The following CCDC201 variants were observed in gnomAD, a reference collection of about 807,000 sequenced individuals.
CCDC201 encodes the protein coiled-coil domain-containing protein 201.
At chr7:45,874,575 G>A (rs759969808), upstream of CCDC201, among the ~76,000 whole-genome samples, 2 of 152,218 alleles carry the variant, frequency 1.3e-5, no homozygotes, top group African/African-American at 4.8e-5. Context: ...TGAGGCCTGC[G>A]GTGAATGCTC....
chr7:45,868,925 G>C (rs1786711469), intron 1 of CCDC201, among the ~76,000 whole-genome samples: 1 of 152,156 alleles, frequency 6.6e-6, no homozygotes, highest in Admixed American at 6.5e-5. Flanking sequence ...CTTTAGCACT[G>C]TGTTACCTCT....
chr7:45,861,896 AT>A (rs1786606435), exon 3 of CCDC201: 1 of 152,266 alleles, frequency 6.6e-6, no homozygotes, highest in Admixed American at 6.5e-5. Context: ...GCAAACATTT[AT>A]ATGAATAAAC....
At chr7:45,861,418 A>G (rs1326533264) in exon 3 of CCDC201, 6 of 152,246 alleles carry the variant, frequency 3.9e-5, no homozygotes, top group Non-Finnish European at 8.8e-5. Context: ...TAAAACCTAT[A>G]AATGTTTAAA....
the CCDC201 span, among the ~76,000 whole-genome samples, chr7:45,879,706 G>T: frequency 6.6e-6 from 1 of 152,176 alleles, no homozygotes; most frequent in Non-Finnish European, 1.5e-5. Flanking sequence ...AGATTTGGGT[G>T]GGGACACAGA....
At chr7:45,864,874 A>G (rs1437775217) in intron 2 of CCDC201, among the ~76,000 whole-genome samples, 1 of 152,178 alleles carries the variant, frequency 6.6e-6, no homozygotes, top group African/African-American at 2.4e-5. Context: ...AGGATCACAG[A>G]CGGAGAAAGA....
At chr7:45,874,840 G>C (rs1424194620), upstream of CCDC201, among the ~76,000 whole-genome samples, 1 of 152,166 alleles carries the variant, frequency 6.6e-6, no homozygotes, top group Non-Finnish European at 1.5e-5. Context: ...AGTGCAAGTT[G>C]GTGTGAATGT....
exon 2 of CCDC201, chr7:45,866,104 G>A (rs1328598990): frequency 1.6e-5 from 3 of 186,136 alleles, no homozygotes; most frequent in South Asian, 2.0e-4. Flanking sequence ...GGCAATCCAG[G>A]GTTTTGTGCC....
chr7:45,876,158 C>A (rs1471536102), upstream of CCDC201, among the ~76,000 whole-genome samples: 1 of 152,070 alleles, frequency 6.6e-6, no homozygotes, highest in African/African-American at 2.4e-5. Context: ...CATCAGAGAG[C>A]CATCAGGGTG....
chr7:45,861,120 C>G (rs577483250), exon 3 of CCDC201: 1 of 152,116 alleles, frequency 6.6e-6, no homozygotes. Flanking sequence ...CTTTGAAAAA[C>G]GAGATAGAAA....
At chr7:45,875,020 G>C (rs147228091), upstream of CCDC201, among the ~76,000 whole-genome samples, 1 of 152,200 alleles carries the variant, frequency 6.6e-6, no homozygotes, top group African/African-American at 2.4e-5. Context: ...AAAGGACACT[G>C]ATGAAATAAA....
At chr7:45,875,036 A>G (rs1786784889), upstream of CCDC201, among the ~76,000 whole-genome samples, 1 of 152,242 alleles carries the variant, frequency 6.6e-6, no homozygotes, top group Non-Finnish European at 1.5e-5. Flanking sequence ...ATAAATTAGA[A>G]TGAGTCTGAG....
chr7:45,878,113 G>A, the CCDC201 span, among the ~76,000 whole-genome samples: 1 of 152,168 alleles, frequency 6.6e-6, no homozygotes, highest in South Asian at 2.1e-4. Context: ...TCACATCCAG[G>A]CCACAGTGAT....
the CCDC201 span, among the ~76,000 whole-genome samples, chr7:45,879,289 T>A: frequency 6.6e-6 from 1 of 152,322 alleles, no homozygotes; most frequent in Admixed American, 6.5e-5. Context: ...ACTGTTCCAA[T>A]CTCTGCCCCT....
At chr7:45,880,762 C>T in the CCDC201 span, among the ~76,000 whole-genome samples, 2 of 152,238 alleles carry the variant, frequency 1.3e-5, no homozygotes, top group Non-Finnish European at 1.5e-5. Context: ...TTTGCTCCAA[C>T]TCAGTGTGTG....
the CCDC201 span, among the ~76,000 whole-genome samples, chr7:45,878,121 G>A: frequency 4.6e-5 from 7 of 152,200 alleles, no homozygotes; most frequent in Non-Finnish European, 1.0e-4. Context: ...AGGCCACAGT[G>A]ATGCAAGGGG....
chr7:45,869,061 G>C (rs760583592), intron 1 of CCDC201, among the ~76,000 whole-genome samples: 5 of 150,950 alleles, frequency 3.3e-5, no homozygotes, highest in Non-Finnish European at 7.3e-5. Flanking sequence ...CATCCTTGAC[G>C]ATTTCTCATG....
At chr7:45,883,905 A>G in the CCDC201 span, among the ~76,000 whole-genome samples, 1 of 152,102 alleles carries the variant, frequency 6.6e-6, no homozygotes, top group African/African-American at 2.4e-5. Context: ...GGGTGCAGGA[A>G]TGAGGGGTCC....
the CCDC201 span, among the ~76,000 whole-genome samples, chr7:45,885,147 A>T: frequency 6.6e-6 from 1 of 152,204 alleles, no homozygotes; most frequent in African/African-American, 2.4e-5. Context: ...AAGTTCAGGC[A>T]CTGAGAACAG....
the CCDC201 span, among the ~76,000 whole-genome samples, chr7:45,879,074 G>A: frequency 6.6e-6 from 1 of 152,106 alleles, no homozygotes; most frequent in Non-Finnish European, 1.5e-5. Flanking sequence ...CTCGAGCAGG[G>A]GCAAAATGTT....
Sources: gnomAD v4.1 joint callset for allele counts (sites outside exome capture counted in the v4.1 genomes callset) on GRCh38, gnomAD v4.1.1 for gene constraint, MANE v1.5 for transcripts, NCBI Gene and HGNC (gene_info 2026-07-23, HGNC 2026-07-21) for gene names.